Variants in SLC25A21 observed in about 807,000 individuals in gnomAD.
The protein encoded by SLC25A21 is mitochondrial 2-oxodicarboxylate carrier.
In SLC25A21, 47 loss-of-function variants were observed where a neutral mutation model predicts 43.8. The observed-to-expected ratio is 1.07, with a 90% CI of 0.85 to 1.37. The LOEUF (loss-of-function observed/expected upper bound fraction) is 1.37. SLC25A21 is among the 40% of genes most tolerant of loss of function. The pLI is 0.00. For missense variants in SLC25A21, 352 were observed against 350.2 expected (o/e 1.00, Z -0.04); for synonymous variants, 131 against 121.3 (o/e 1.08, Z -0.52).
intron 2 of SLC25A21, among the ~76,000 whole-genome samples, chr14:36,858,731 C>G (rs1365733386): frequency 1.3e-5 from 2 of 152,106 alleles, no homozygotes; most frequent in East Asian, 1.9e-4. Context: ...CCTGTACTAC[C>G]CAAAAACACT....
intron 1 of SLC25A21, among the ~76,000 whole-genome samples, chr14:37,138,735 T>A (rs1383690874): frequency 6.6e-6 from 1 of 152,060 alleles, no homozygotes; most frequent in Non-Finnish European, 1.5e-5. Context: ...CTTCTATATA[T>A]ACTAACATGT....
intron 1 of SLC25A21, among the ~76,000 whole-genome samples, chr14:37,094,325 C>A (rs1184087580): frequency 6.6e-6 from 1 of 152,080 alleles, no homozygotes; most frequent in Non-Finnish European, 1.5e-5. Context: ...CAAAAAGGTG[C>A]CTTACACACC....
At chr14:36,741,066 A>G (rs1472778542) in intron 3 of SLC25A21, among the ~76,000 whole-genome samples, 1 of 152,088 alleles carries the variant, frequency 6.6e-6, no homozygotes, top group Non-Finnish European at 1.5e-5. Flanking sequence ...AAGAAACTAA[A>G]AAGGAGTGGA....
chr14:37,121,391 C>A (rs1963204806), intron 1 of SLC25A21, among the ~76,000 whole-genome samples: 1 of 152,140 alleles, frequency 6.6e-6, no homozygotes, highest in Non-Finnish European at 1.5e-5. Flanking sequence ...AATGACATGT[C>A]AGTGCGGATA....
intron 3 of SLC25A21, among the ~76,000 whole-genome samples, chr14:36,748,549 A>T (rs1885584825): frequency 6.6e-6 from 1 of 152,180 alleles, no homozygotes; most frequent in Non-Finnish European, 1.5e-5. Flanking sequence ...ATACCACATT[A>T]TTATCAATGA....
In SLC25A21 at chr14:36,800,080, T is replaced by C. The variant is rs79869550; in HGVS notation, c.203+13838A>G. On this transcript the variant is annotated intron_variant, in intron 3 of 9. Transcript: ENST00000331299. ...TTCCATTTGAATTCTTTTTTTTAAATTTTGTTTTTGCAGATCTCAAGTCTC... is the reference window on the plus strand; with the variant it reads ...TTCCATTTGAATTCTTTTTTTTAAACTTTGTTTTTGCAGATCTCAAGTCTC... 1.9e-3 allele frequency among the ~76,000 whole-genome samples: 293 copies of C among 152,300 alleles called. 3 individuals carry two copies. Among genetic ancestry groups the C allele is most frequent in the African/African-American group, 6.6e-3 (276 of 41,560 alleles).
chr14:36,812,201 T>C (rs1242899748), intron 3 of SLC25A21, among the ~76,000 whole-genome samples: 1 of 152,034 alleles, frequency 6.6e-6, no homozygotes, highest in African/African-American at 2.4e-5. Context: ...CTTAGGACAG[T>C]TGTGTTTTTC....
Position 37,163,294 on chromosome 14 carries a change from TAATA to T in SLC25A21, c.70+8983_70+8986del, listed in dbSNP as rs34749912. On this transcript the variant is annotated intron_variant, in intron 1 of 9. Coordinates refer to ENST00000331299, the MANE Select transcript of SLC25A21 (RefSeq NM_030631.4). ...TACCCTAAAACTTAAAGTATAATAATAATAAATAAATAAATAAATAAATAAAAAG... is the reference window on the plus strand; with the variant it reads ...TACCCTAAAACTTAAAGTATAATAATAATAAATAAATAAATAAATAAAAAG... 2.2e-3 allele frequency among the ~76,000 whole-genome samples: 326 copies of T among 147,780 alleles called. 1 individual carries two copies. Among genetic ancestry groups the T allele is most frequent in the African/African-American group, 6.9e-3 (280 of 40,820 alleles).
chr14:36,970,177 T>C (rs944336152), intron 1 of SLC25A21, among the ~76,000 whole-genome samples: 3 of 152,170 alleles, frequency 2.0e-5, no homozygotes, highest in Non-Finnish European at 4.4e-5. Flanking sequence ...TCAGTCAGGA[T>C]TGTGATCACC....
At chr14:36,708,236 AAATT>A (rs1883662365) in intron 7 of SLC25A21, among the ~76,000 whole-genome samples, 1 of 152,216 alleles carries the variant, frequency 6.6e-6, no homozygotes, top group Non-Finnish European at 1.5e-5. Context: ...ACAACATAAA[AAATT>A]AATTATAAAA....
At chr14:36,946,346 G>A (rs771999607) in intron 1 of SLC25A21, among the ~76,000 whole-genome samples, 1 of 152,058 alleles carries the variant, frequency 6.6e-6, no homozygotes, top group Non-Finnish European at 1.5e-5. Context: ...GTATCCAGTA[G>A]CCATCATTTG....
intron 6 of SLC25A21, among the ~76,000 whole-genome samples, chr14:36,716,231 C>T (rs919848041): frequency 1.8e-4 from 27 of 151,938 alleles, no homozygotes; most frequent in African/African-American, 6.5e-4. Flanking sequence ...TAGAATAAAA[C>T]AGTGGTTACC....
intron 1 of SLC25A21, among the ~76,000 whole-genome samples, chr14:37,037,054 T>C (rs1323671065): frequency 6.6e-6 from 1 of 152,164 alleles, no homozygotes; most frequent in Non-Finnish European, 1.5e-5. Context: ...CCCTGGTACA[T>C]GCATCATTGA....
At chr14:36,712,246 T>TA (rs904949177) in intron 6 of SLC25A21, among the ~76,000 whole-genome samples, 23 of 151,250 alleles carry the variant, frequency 1.5e-4, no homozygotes, top group African/African-American at 4.8e-4. Flanking sequence ...CACATGGGTT[T>TA]AAAAAAAAAT....
At chr14:36,796,344 T>C (rs974010097) in intron 3 of SLC25A21, among the ~76,000 whole-genome samples, 9 of 151,120 alleles carry the variant, frequency 6.0e-5, no homozygotes, top group Admixed American at 1.3e-4. Flanking sequence ...AAAGACAGTA[T>C]GGTAATTTAT....
intron 1 of SLC25A21, among the ~76,000 whole-genome samples, chr14:37,077,929 T>C (rs1231626903): frequency 1.3e-5 from 2 of 152,270 alleles, no homozygotes; most frequent in African/African-American, 2.4e-5. Flanking sequence ...CTTAAATCTA[T>C]AGACATTTTA....
intron 1 of SLC25A21, among the ~76,000 whole-genome samples, chr14:37,102,178 C>T (rs1451525897): frequency 2.6e-5 from 4 of 152,086 alleles, no homozygotes; most frequent in Admixed American, 1.3e-4. Flanking sequence ...CGGTGGTTCA[C>T]GCCTGTAATC....
At chr14:37,130,938 G>C (rs912803735) in intron 1 of SLC25A21, among the ~76,000 whole-genome samples, 12 of 152,188 alleles carry the variant, frequency 7.9e-5, no homozygotes, top group African/African-American at 2.9e-4. Flanking sequence ...GGAGAAAGAA[G>C]TTAGAGGGGA....
chr14:36,687,605 G>A (rs1240347219), intron 7 of SLC25A21, among the ~76,000 whole-genome samples: 1 of 152,210 alleles, frequency 6.6e-6, no homozygotes, highest in African/African-American at 2.4e-5. Context: ...CCAGTAGGCA[G>A]TTTCTTCCTT....
Sources: gnomAD v4.1 joint callset for allele counts (sites outside exome capture counted in the v4.1 genomes callset) on GRCh38, gnomAD v4.1.1 for gene constraint, MANE v1.5 for transcripts, NCBI Gene and HGNC (gene_info 2026-07-23, HGNC 2026-07-21) for gene names.